LOC128462377: variants seen among roughly 807,000 people sequenced by gnomAD.
chr16:89,377,995 T>G, the LOC128462377 span, among the ~76,000 whole-genome samples: 1 of 152,144 alleles, frequency 6.6e-6, no homozygotes, highest in Non-Finnish European at 1.5e-5. Flanking sequence ...ATGATTTTCT[T>G]AACAACACCT....
the LOC128462377 span, among the ~76,000 whole-genome samples, chr16:89,391,426 G>A: frequency 2.0e-5 from 3 of 152,120 alleles, no homozygotes; most frequent in Non-Finnish European, 4.4e-5. Context: ...AGGCTGCACG[G>A]GATTGTGGGA....
the LOC128462377 span, among the ~76,000 whole-genome samples, chr16:89,386,154 C>T: frequency 6.6e-6 from 1 of 152,194 alleles, no homozygotes; most frequent in African/African-American, 2.4e-5. Flanking sequence ...AATACAATAC[C>T]GGCTTCCAAT....
chr16:89,385,479 G>A, the LOC128462377 span, among the ~76,000 whole-genome samples: 1 of 152,098 alleles, frequency 6.6e-6, no homozygotes, highest in South Asian at 2.1e-4. Flanking sequence ...CCACAAGCCA[G>A]CACCGGGCAG....
chr16:89,411,407 G>A, the LOC128462377 span, among the ~76,000 whole-genome samples: 4 of 152,184 alleles, frequency 2.6e-5, no homozygotes, highest in African/African-American at 9.7e-5. Flanking sequence ...CTGTCGAGAT[G>A]GTCTACATTT....
chr16:89,367,840 T>C, the LOC128462377 span, among the ~76,000 whole-genome samples: 5 of 152,004 alleles, frequency 3.3e-5, no homozygotes, highest in African/African-American at 1.2e-4. Flanking sequence ...AAACCCTGTC[T>C]CTACAAAAAA....
the LOC128462377 span, among the ~76,000 whole-genome samples, chr16:89,393,328 T>G: frequency 6.7e-6 from 1 of 149,568 alleles, no homozygotes; most frequent in African/African-American, 2.5e-5. Flanking sequence ...TTTTTTTTTT[T>G]GAGACGGAGG....
the LOC128462377 span, among the ~76,000 whole-genome samples, chr16:89,382,502 T>C: frequency 6.6e-6 from 1 of 151,882 alleles, no homozygotes; most frequent in Non-Finnish European, 1.5e-5. Context: ...ATTTTTTGTA[T>C]TTTTAATAGA....
the LOC128462377 span, among the ~76,000 whole-genome samples, chr16:89,399,584 G>C: frequency 6.6e-6 from 1 of 152,084 alleles, no homozygotes; most frequent in Non-Finnish European, 1.5e-5. Flanking sequence ...CCACAACGGT[G>C]GGTCCACATC....
At chr16:89,362,040 A>G in the LOC128462377 span, among the ~76,000 whole-genome samples, 1 of 152,258 alleles carries the variant, frequency 6.6e-6, no homozygotes, top group African/African-American at 2.4e-5. Context: ...CTAACCCTCA[A>G]GTGCTCCTCA....
chr16:89,324,152 C>T, the LOC128462377 span: 1 of 1,024,000 alleles, frequency 9.8e-7, no homozygotes, highest in African/African-American at 1.7e-5. Context: ...AGCCCTGTTT[C>T]CACTCACATT....
At chr16:89,364,581 A>G in the LOC128462377 span, among the ~76,000 whole-genome samples, 1 of 151,960 alleles carries the variant, frequency 6.6e-6, no homozygotes, top group Non-Finnish European at 1.5e-5. Flanking sequence ...CAATCTTTTG[A>G]CCTCCCTGGG....
At chr16:89,337,429 CTTTTTTTTTTTTTT>C in the LOC128462377 span, among the ~76,000 whole-genome samples, 2 of 53,118 alleles carry the variant, frequency 3.8e-5, no homozygotes, top group Admixed American at 5.0e-4. Flanking sequence ...CTAAGCAATT[CTTTTTTTTTTTTTT>C]TTTTTTTTTT....
At chr16:89,376,437 G>T in the LOC128462377 span, among the ~76,000 whole-genome samples, 1 of 152,088 alleles carries the variant, frequency 6.6e-6, no homozygotes, top group Non-Finnish European at 1.5e-5. Flanking sequence ...CCTGAACAGG[G>T]TTTTGTTTTT....
the LOC128462377 span, among the ~76,000 whole-genome samples, chr16:89,394,610 A>G: frequency 8.6e-4 from 128 of 148,562 alleles, no homozygotes; most frequent in South Asian, 0.013. Flanking sequence ...CCTGGGCGAC[A>G]AAAGCAAAAC....
the LOC128462377 span, among the ~76,000 whole-genome samples, chr16:89,346,882 A>G: frequency 6.6e-6 from 1 of 152,262 alleles, no homozygotes; most frequent in Non-Finnish European, 1.5e-5. Flanking sequence ...TGTAACAGAG[A>G]CTAAACAAAG....
chr16:89,321,405 T>A, the LOC128462377 span, among the ~76,000 whole-genome samples: 78 of 39,624 alleles, frequency 2.0e-3, no homozygotes, highest in African/African-American at 7.4e-3. Context: ...GGCGGGACTG[T>A]GGGGAGGGGA....
chr16:89,415,438 G>T, the LOC128462377 span, among the ~76,000 whole-genome samples: 1 of 149,916 alleles, frequency 6.7e-6, no homozygotes, highest in Non-Finnish European at 1.5e-5. Context: ...CTAATTTTTT[G>T]TATTTTTAGT....
At chr16:89,368,380 T>TTG in the LOC128462377 span, among the ~76,000 whole-genome samples, 11 of 130,730 alleles carry the variant, frequency 8.4e-5, no homozygotes, top group Admixed American at 3.0e-4. Flanking sequence ...TGTTTTTTTT[T>TTG]TTTTTTTTTT....
the LOC128462377 span, among the ~76,000 whole-genome samples, chr16:89,351,056 G>A: frequency 3.2e-3 from 490 of 152,242 alleles, 3 homozygotes; most frequent in African/African-American, 0.011. Context: ...TGCATCCCCC[G>A]ACCGCTATTA....
Sources: gnomAD v4.1 joint callset for allele counts (sites outside exome capture counted in the v4.1 genomes callset) on GRCh38, gnomAD v4.1.1 for gene constraint, MANE v1.5 for transcripts.